Variants in ROBO2 observed in about 807,000 individuals in gnomAD.
ROBO2 encodes the protein roundabout homolog 2.
Under a neutral mutation model 160.8 loss-of-function variants are expected in ROBO2, and 53 were observed. The observed-to-expected ratio is 0.33, with a 90% CI of 0.26 to 0.41. The LOEUF (loss-of-function observed/expected upper bound fraction) is 0.41, where lower values mean the gene tolerates loss of function less well. Ranked by LOEUF, ROBO2 falls within the 10% of genes least tolerant of loss-of-function variation. ROBO2 has a pLI of 1.00. For synonymous variants in ROBO2, 664 were observed against 611.7 expected (o/e 1.09, Z -1.26); for missense variants, 1,577 against 1,722.4 (o/e 0.92, Z 1.49).
At chr3:77,206,661 A>T (rs1032430512) in intron 2 of ROBO2, among the ~76,000 whole-genome samples, 2 of 152,200 alleles carry the variant, frequency 1.3e-5, no homozygotes, top group Admixed American at 6.5e-5. Context: ...ATATATTTTT[A>T]AAATTTTTAT....
chr3:77,220,946 A>G (rs1394056155), intron 2 of ROBO2, among the ~76,000 whole-genome samples: 1 of 152,234 alleles, frequency 6.6e-6, no homozygotes, highest in Admixed American at 6.5e-5. Flanking sequence ...AATAGAGGAA[A>G]TAGATTGGAA....
intron 2 of ROBO2, among the ~76,000 whole-genome samples, chr3:76,811,236 G>A (rs549204554): frequency 2.7e-4 from 41 of 152,266 alleles, no homozygotes; most frequent in African/African-American, 9.6e-4. Flanking sequence ...CTTGGTGAAT[G>A]TCCAGCTTTT....
At chr3:77,623,973 G>T (rs962550727) in intron 23 of ROBO2, among the ~76,000 whole-genome samples, 8 of 152,100 alleles carry the variant, frequency 5.3e-5, no homozygotes, top group African/African-American at 1.9e-4. Context: ...GACATGTTAG[G>T]CTGCCTGATG....
chr3:76,476,682 T>G (rs2078947205), intron 2 of ROBO2, among the ~76,000 whole-genome samples: 1 of 152,104 alleles, frequency 6.6e-6, no homozygotes, highest in Non-Finnish European at 1.5e-5. Flanking sequence ...AGCCCAGGAT[T>G]TAAGGGTCTA....
intron 2 of ROBO2, among the ~76,000 whole-genome samples, chr3:76,331,980 G>A (rs897439131): frequency 2.0e-5 from 3 of 152,094 alleles, no homozygotes; most frequent in South Asian, 2.1e-4. Flanking sequence ...CACTGCGCCC[G>A]CCCTAATATA....
Position 77,450,102 on chromosome 3 carries a change from G to A in ROBO2, c.389-27312G>A, listed in dbSNP as rs141455025. 3.9e-4 allele frequency among the ~76,000 whole-genome samples: 59 copies of A among 152,012 alleles called. 1 individual carries two copies. The East Asian group carries it at 6.4e-3, about 16-fold the overall frequency. On this transcript the variant is annotated intron_variant, in intron 2 of 25. Coordinates refer to ENST00000461745, the Ensembl canonical transcript of ROBO2. Reference sequence around the variant, plus strand: ...TGTTTGTCCATATGAGAAATAGCTCGTTGCTAATTTTTAGATACTCTCTAG... The same window carrying A: ...TGTTTGTCCATATGAGAAATAGCTCATTGCTAATTTTTAGATACTCTCTAG...
rs567065372 is a variant in ROBO2 at position 77,493,309 on chromosome 3, C to T, written c.733C>T (p.Arg245Cys). The stretch of plus-strand genomic sequence containing the variant: ...ACTGGAGGAAGAAGCTGTAGAATTT[C>T]GTTGTCAAGTCCAAGGAGATCCTCA... Residue 245 changes from arginine to cysteine, a missense_variant, in exon 5 of 26, where the codon CGT becomes TGT. By Grantham distance (180) the Arg-to-Cys change is radical (BLOSUM62 -3). Around this residue, in one of 2 missense-constraint regions of ROBO2, gnomAD observed 940 missense variants for 1,135.5 expected, o/e 0.83. Coordinates refer to ENST00000461745, the Ensembl canonical transcript of ROBO2. The T allele has an allele frequency of 4.0e-5, 64 of 1,613,600 alleles. No homozygotes were observed. Among genetic ancestry groups the T allele is most frequent in the Admixed American group, 1.2e-4 (7 of 59,976 alleles).
intron 24 of ROBO2, among the ~76,000 whole-genome samples, chr3:77,641,995 G>T (rs1379781807): frequency 6.6e-6 from 1 of 152,078 alleles, no homozygotes; most frequent in Non-Finnish European, 1.5e-5. Context: ...AACACATTCA[G>T]TCTTTACTCT....
intron 2 of ROBO2, among the ~76,000 whole-genome samples, chr3:77,300,552 C>G (rs1459874171): frequency 6.6e-6 from 1 of 151,676 alleles, no homozygotes; most frequent in Non-Finnish European, 1.5e-5. Flanking sequence ...TACATAAATA[C>G]TGATGCTAAC....
At chr3:77,558,880 A>G (rs1222165940) in intron 9 of ROBO2, among the ~76,000 whole-genome samples, 2 of 152,134 alleles carry the variant, frequency 1.3e-5, no homozygotes, top group African/African-American at 4.8e-5. Flanking sequence ...TCTGTGAGTT[A>G]GGAGCCTAGG....
At chr3:76,899,702 G>A (rs1307544957) in intron 2 of ROBO2, among the ~76,000 whole-genome samples, 5 of 152,070 alleles carry the variant, frequency 3.3e-5, no homozygotes, top group East Asian at 3.9e-4. Context: ...CTTAGAGAAA[G>A]CCCTGCCCTC....
At chr3:76,862,629 T>C (rs2070914698) in intron 2 of ROBO2, among the ~76,000 whole-genome samples, 1 of 152,024 alleles carries the variant, frequency 6.6e-6, no homozygotes, top group South Asian at 2.1e-4. Context: ...GATATGGATA[T>C]TCCTTTTCTC....
intron 2 of ROBO2, among the ~76,000 whole-genome samples, chr3:76,949,809 G>A (rs573624931): frequency 6.6e-6 from 1 of 152,240 alleles, no homozygotes; most frequent in African/African-American, 2.4e-5. Flanking sequence ...TGAGGAGGGA[G>A]TGTCATTGCT....
At chr3:76,747,079 T>G (rs1194392385) in intron 2 of ROBO2, among the ~76,000 whole-genome samples, 1 of 152,156 alleles carries the variant, frequency 6.6e-6, no homozygotes, top group Non-Finnish European at 1.5e-5. Context: ...TGATTCCATG[T>G]CTTTGCTATT....
At chr3:77,194,207 T>C (rs976117488) in intron 2 of ROBO2, among the ~76,000 whole-genome samples, 1 of 152,216 alleles carries the variant, frequency 6.6e-6, no homozygotes, top group Non-Finnish European at 1.5e-5. Context: ...CTTAATCCAA[T>C]CAATCAATTT....
chr3:75,919,768 G>T (rs893696815), intron 1 of ROBO2, among the ~76,000 whole-genome samples: 1 of 152,056 alleles, frequency 6.6e-6, no homozygotes, highest in African/African-American at 2.4e-5. Context: ...GTCTTGGGAG[G>T]CTGTATGTGT....
intron 4 of ROBO2, among the ~76,000 whole-genome samples, chr3:77,484,770 T>C (rs2085145258): frequency 6.6e-6 from 1 of 152,158 alleles, no homozygotes; most frequent in South Asian, 2.1e-4. Flanking sequence ...TTTCAAAACA[T>C]TGGTTATATT....
At chr3:77,152,508 G>A (rs73095854) in intron 2 of ROBO2, among the ~76,000 whole-genome samples, 102 of 152,274 alleles carry the variant, frequency 6.7e-4, no homozygotes, top group Non-Finnish European at 1.2e-3. Context: ...CACCATACTG[G>A]ATAGTGCCAC....
intron 2 of ROBO2, among the ~76,000 whole-genome samples, chr3:76,011,312 C>G (rs576372713): frequency 6.6e-6 from 1 of 152,222 alleles, no homozygotes; most frequent in African/African-American, 2.4e-5. Context: ...GCTGCCAGCC[C>G]GTGATTCAGG....
Sources: gnomAD v4.1 joint callset for allele counts (sites outside exome capture counted in the v4.1 genomes callset) on GRCh38, gnomAD v4.1.1 for gene constraint, gnomAD v4.1.1 regional missense constraint, MANE v1.5 for transcripts, NCBI Gene and HGNC (gene_info 2026-07-23, HGNC 2026-07-21) for gene names.